CLIC5: variants seen among roughly 807,000 people sequenced by gnomAD.
The protein encoded by CLIC5 is CLIC family member 5, also known as chloride intracellular channel protein 5.
Under a neutral mutation model 24.7 loss-of-function variants are expected in CLIC5, and 20 were observed. The ratio of observed to expected loss-of-function variants is 0.81; its 90% CI spans 0.57 to 1.18. The LOEUF is 1.18. Ranked by LOEUF, CLIC5 falls within the 50% of genes most tolerant of loss-of-function variation. The pLI, the probability that CLIC5 is intolerant of heterozygous loss-of-function variation, is 0.00. For synonymous variants in CLIC5, 159 were observed against 135.6 expected (o/e 1.17, Z -1.20); for missense variants, 341 against 326.1 (o/e 1.05, Z -0.35).
At position 45,958,441 on chromosome 6, in the gene CLIC5, T is replaced by TACACACACACACACACAC. The variant is rs1554151283; in HGVS notation, c.64-3198_64-3197insGTGTGTGTGTGTGTGTGT. Among the ~76,000 whole-genome samples the TACACACACACACACACAC allele has an allele frequency of 2.7e-3, 48 of 17,942 alleles. 3 individuals are homozygous for TACACACACACACACACAC. Among genetic ancestry groups the TACACACACACACACACAC allele is most frequent in the Middle Eastern group, 0.033 (2 of 60 alleles). 11.8% of individuals were successfully genotyped at this position (17,942 alleles called of 152,430 possible). A position where few individuals can be genotyped will look rare whatever the true frequency, so the allele number is the denominator to read the frequency against. On this transcript the variant is annotated intron_variant, in intron 1 of 5. Transcript: ENST00000339561. Reference sequence around the variant, plus strand: ...AGACAATTATATATATATATATATATATATATATATATATATATATATATA... The same window carrying TACACACACACACACACAC: ...AGACAATTATATATATATATATATATACACACACACACACACACATATATATATATATATATATATATA...
chr6:46,060,394 C>T (rs1195640253), intron 1 of CLIC5, among the ~76,000 whole-genome samples: 2 of 151,354 alleles, frequency 1.3e-5, no homozygotes, highest in African/African-American at 4.9e-5. Context: ...AATGTAAATA[C>T]AAGTAAAAAC....
At chr6:46,101,968 AAAG>A in the CLIC5 span, among the ~76,000 whole-genome samples, 1 of 151,910 alleles carries the variant, frequency 6.6e-6, no homozygotes, top group Non-Finnish European at 1.5e-5. Context: ...GAGAAAAAAA[AAAG>A]AAGTGTGTGT....
At chr6:46,014,945 G>A (rs1766942340) in intron 1 of CLIC5, among the ~76,000 whole-genome samples, 2 of 152,168 alleles carry the variant, frequency 1.3e-5, no homozygotes, top group South Asian at 4.1e-4. Flanking sequence ...TTTCTGCTTT[G>A]CAAGTCACCA....
At chr6:45,912,765 A>G (rs1159793702) in intron 5 of CLIC5, 3 of 1,446,988 alleles carry the variant, frequency 2.1e-6, no homozygotes, top group Non-Finnish European at 1.9e-6. Context: ...ATAAAGGATG[A>G]TGGGTGGGGC....
intron 1 of CLIC5, among the ~76,000 whole-genome samples, chr6:46,050,318 A>G (rs1768068844): frequency 6.6e-6 from 1 of 152,148 alleles, no homozygotes; most frequent in African/African-American, 2.4e-5. Flanking sequence ...GGTTCTGCTT[A>G]TTTGGTTAAA....
At chr6:45,884,486 G>A (rs1762287189) in intron 6 of CLIC5, among the ~76,000 whole-genome samples, 2 of 152,182 alleles carry the variant, frequency 1.3e-5, no homozygotes, top group Non-Finnish European at 2.9e-5. Flanking sequence ...CGCTGATCAG[G>A]AAAGACAATT....
At chr6:45,996,292 A>G (rs1192716773) in intron 1 of CLIC5, among the ~76,000 whole-genome samples, 1 of 152,002 alleles carries the variant, frequency 6.6e-6, no homozygotes, top group East Asian at 1.9e-4. Context: ...CCCATTTTGT[A>G]GGTTGCCTGT....
At chr6:46,045,070 C>T (rs1316142230) in intron 1 of CLIC5, among the ~76,000 whole-genome samples, 5 of 152,106 alleles carry the variant, frequency 3.3e-5, no homozygotes, top group African/African-American at 7.2e-5. Flanking sequence ...CCACCACACC[C>T]GCTCTCCTCT....
intron 1 of CLIC5, among the ~76,000 whole-genome samples, chr6:45,957,658 A>G (rs1047686978): frequency 2.6e-5 from 4 of 152,352 alleles, no homozygotes; most frequent in Admixed American, 1.3e-4. Flanking sequence ...ATCTTGTATT[A>G]AACTATGATT....
intron 6 of CLIC5, among the ~76,000 whole-genome samples, chr6:45,887,780 G>A (rs1168618628): frequency 6.6e-5 from 10 of 152,106 alleles, no homozygotes; most frequent in East Asian, 1.9e-4. Flanking sequence ...AACATAACGC[G>A]TAATACACTC....
chr6:45,926,244 T>TATATATATA (rs1479166444), intron 4 of CLIC5, among the ~76,000 whole-genome samples: 8 of 96,008 alleles, frequency 8.3e-5, no homozygotes, highest in African/African-American at 1.4e-4. Flanking sequence ...TATATATATA[T>TATATATATA]TTTATTTTTT....
the CLIC5 span, among the ~76,000 whole-genome samples, chr6:46,120,870 G>A: frequency 1.3e-5 from 2 of 152,096 alleles, no homozygotes; most frequent in South Asian, 4.1e-4. Context: ...AGCAAGAAGA[G>A]AAGTTTAGAG....
Position 45,902,770 on chromosome 6 carries a change from G to A in CLIC5, c.*318C>T. 1 of 328,394 alleles carries A rather than the reference G, an allele frequency of 3.0e-6. No individual in the cohort carries two copies. The highest frequency in any genetic ancestry group is 5.6e-6 in the Non-Finnish European group (1 of 178,870). 20.3% of individuals were successfully genotyped at this position (328,394 alleles called of 1,614,324 possible). A position where few individuals can be genotyped will look rare whatever the true frequency, so the allele number is the denominator to read the frequency against. On this transcript the variant is annotated 3_prime_UTR_variant, in exon 6 of 6. Transcript: ENST00000339561. ...GCATCTGAGAAGGTATTTTGATATT[G>A]GCAGAAGAAGCTAGTGGCAATCCCA... is the stretch of plus-strand genomic sequence containing the variant.
intron 1 of CLIC5, among the ~76,000 whole-genome samples, chr6:45,974,861 C>T (rs1322228734): frequency 1.3e-5 from 2 of 152,136 alleles, no homozygotes; most frequent in African/African-American, 2.4e-5. Flanking sequence ...GTTATAATCA[C>T]ATCTCCACAG....
At chr6:45,957,878 C>A (rs566807176) in intron 1 of CLIC5, among the ~76,000 whole-genome samples, 1 of 152,186 alleles carries the variant, frequency 6.6e-6, no homozygotes, top group East Asian at 1.9e-4. Context: ...AGAGAAGAAC[C>A]AGGTGGGGCT....
chr6:45,975,677 A>G (rs1765361158), intron 1 of CLIC5, among the ~76,000 whole-genome samples: 1 of 152,184 alleles, frequency 6.6e-6, no homozygotes, highest in Non-Finnish European at 1.5e-5. Flanking sequence ...ATCCAAGTAT[A>G]TCAGATTACA....
At chr6:45,931,621 T>TTAAG (rs1763739253) in intron 4 of CLIC5, among the ~76,000 whole-genome samples, 1 of 152,324 alleles carries the variant, frequency 6.6e-6, no homozygotes, top group South Asian at 2.1e-4. Context: ...AACACTTTGT[T>TTAAG]TAAGTGATAG....
chr6:45,943,699 C>T (rs1331247656), intron 3 of CLIC5, among the ~76,000 whole-genome samples: 2 of 152,200 alleles, frequency 1.3e-5, no homozygotes, highest in Admixed American at 6.5e-5. Context: ...GACTTTCAGT[C>T]ATCTGATCAT....
At chr6:45,890,830 A>G (rs1762341629) in intron 6 of CLIC5, among the ~76,000 whole-genome samples, 1 of 152,190 alleles carries the variant, frequency 6.6e-6, no homozygotes, top group African/African-American at 2.4e-5. Flanking sequence ...GCACAGAGGG[A>G]CAAATACCAC....
Sources: allele counts gnomAD v4.1 joint callset (sites outside exome capture counted in the v4.1 genomes callset), GRCh38; gene constraint gnomAD v4.1.1; transcripts MANE v1.5; gene names NCBI Gene and HGNC (gene_info 2026-07-23, HGNC 2026-07-21).